The following NTRK2 variants were observed in gnomAD, a reference collection of about 807,000 sequenced individuals.
NTRK2 encodes neurotrophic receptor tyrosine kinase 2.
A neutral mutation model predicts 94.5 loss-of-function variants in NTRK2; 13 were observed. The ratio of observed to expected loss-of-function variants is 0.14; its 90% CI spans 0.09 to 0.22. The LOEUF is 0.22. Among genes scored for constraint, NTRK2 ranks in the 10% least tolerant of loss-of-function variants. NTRK2 has a pLI of 1.00. For missense variants in NTRK2, 639 were observed against 1,071.2 expected (o/e 0.60, Z 5.63); for synonymous variants, 372 against 407.4 (o/e 0.91, Z 1.05).
intron 2 of NTRK2, among the ~76,000 whole-genome samples, chr9:84,680,144 G>A (rs1306794031): frequency 6.6e-6 from 1 of 152,152 alleles, no homozygotes; most frequent in Non-Finnish European, 1.5e-5. Context: ...TCATGTGGGT[G>A]GGCTGCCATC....
At chr9:84,823,508 T>C (rs1448554931) in intron 12 of NTRK2, among the ~76,000 whole-genome samples, 1 of 152,228 alleles carries the variant, frequency 6.6e-6, no homozygotes, top group Non-Finnish European at 1.5e-5. Context: ...TGCAACCAAC[T>C]TTATTGAGTA....
At position 85,025,026 on chromosome 9, in the gene NTRK2, G is replaced by T. The variant is rs1832966403; in HGVS notation, c.*3589G>T. 1 of 233,076 alleles carries T rather than the reference G, an allele frequency of 4.3e-6. No homozygotes were observed. The allele number at this position is 233,076 out of a possible 1,614,324, so 14.4% of individuals were successfully genotyped here. A position where few individuals can be genotyped will look rare whatever the true frequency, so the allele number is the denominator to read the frequency against. ...TAGAGGTAATTATAAGTAGGATGCG[G>T]TATGAATAATTTGCTTAAAATATGC... On this transcript the variant is annotated 3_prime_UTR_variant, in exon 19 of 19. Coordinates refer to ENST00000277120, the MANE Select transcript of NTRK2 (RefSeq NM_006180.6).
Position 84,862,373 on chromosome 9 carries a change from A to G in NTRK2, c.1444+1286A>G, listed in dbSNP as rs76779055. On this transcript the variant is annotated intron_variant, in intron 13 of 18. Transcript: ENST00000277120. Reference sequence around the variant, plus strand: ...CCGTGTGTTTTTGGGGAAGGTGGTAATAAACTCTCCCATGACAGTCCTATA... The same window carrying G: ...CCGTGTGTTTTTGGGGAAGGTGGTAGTAAACTCTCCCATGACAGTCCTATA... Among the ~76,000 whole-genome samples, 468 of 152,280 alleles carry G rather than the reference A, an allele frequency of 3.1e-3. 2 individuals carry two copies. The highest frequency in any genetic ancestry group is 0.011 in the African/African-American group (446 of 41,556).
intron 12 of NTRK2, among the ~76,000 whole-genome samples, chr9:84,767,729 G>A (rs1034039090): frequency 2.6e-5 from 4 of 151,878 alleles, no homozygotes; most frequent in Non-Finnish European, 4.4e-5. Context: ...CCCATACTAC[G>A]TCTCTCTCTC....
intron 17 of NTRK2, among the ~76,000 whole-genome samples, chr9:84,998,189 C>T (rs1192054809): frequency 6.6e-6 from 1 of 152,218 alleles, no homozygotes; most frequent in African/African-American, 2.4e-5. Flanking sequence ...TTCCTGAGAA[C>T]CCAGTGTTTT....
intron 12 of NTRK2, among the ~76,000 whole-genome samples, chr9:84,844,713 C>T (rs1357542784): frequency 6.6e-6 from 1 of 150,480 alleles, no homozygotes; most frequent in East Asian, 2.0e-4. Context: ...CTATTTGTTT[C>T]TATTTATTCG....
chr9:84,688,896 G>T (rs959064507), intron 2 of NTRK2, among the ~76,000 whole-genome samples: 2 of 152,164 alleles, frequency 1.3e-5, no homozygotes, highest in Non-Finnish European at 2.9e-5. Flanking sequence ...GATTCCTGTT[G>T]TAACATTGGT....
chr9:84,728,862 T>A (rs1409087278), intron 9 of NTRK2, among the ~76,000 whole-genome samples: 1 of 152,250 alleles, frequency 6.6e-6, no homozygotes, highest in African/African-American at 2.4e-5. Flanking sequence ...CTTCAGATGC[T>A]GTCCTTCAGT....
chr9:84,985,515 C>T (rs1460299655), intron 17 of NTRK2, among the ~76,000 whole-genome samples: 13 of 152,200 alleles, frequency 8.5e-5, no homozygotes, highest in Non-Finnish European at 1.9e-4. Context: ...TCGCTGGTAG[C>T]CTGATCTTTC....
chr9:84,942,656 G>A (rs901182274), intron 15 of NTRK2, among the ~76,000 whole-genome samples: 6 of 151,808 alleles, frequency 4.0e-5, no homozygotes, highest in South Asian at 2.1e-4. Flanking sequence ...TTATTTTATC[G>A]ATATAGTTTA....
At chr9:84,717,702 C>A (rs572500077) in intron 6 of NTRK2, among the ~76,000 whole-genome samples, 1 of 152,150 alleles carries the variant, frequency 6.6e-6, no homozygotes, top group Non-Finnish European at 1.5e-5. Context: ...CTAGCACATA[C>A]TAAGTACCCA....
At chr9:84,827,365 G>A (rs1320574788) in intron 12 of NTRK2, among the ~76,000 whole-genome samples, 1 of 152,176 alleles carries the variant, frequency 6.6e-6, no homozygotes, top group Non-Finnish European at 1.5e-5. Context: ...TGTGCCAAGT[G>A]CTGGGGCCAC....
In NTRK2 at chr9:84,703,911, AG is replaced by A. The variant is rs201602835; in HGVS notation, c.359+1493del. Among the ~76,000 whole-genome samples the A allele has an allele frequency of 1.8e-4, 28 of 152,356 alleles. No homozygotes were observed. In the East Asian group the frequency reaches 5.4e-3, roughly 29 times the overall value. On this transcript the variant is annotated intron_variant, in intron 4 of 18. Coordinates refer to ENST00000277120, the MANE Select transcript of NTRK2 (RefSeq NM_006180.6). Reference sequence around the variant, plus strand: ...ATAAACAAGAGAGAAGTTGGATAGAAGAAAAAGGCAAAATGCTCTAATGCAG... The same window carrying A: ...ATAAACAAGAGAGAAGTTGGATAGAAAAAAAGGCAAAATGCTCTAATGCAG...
At chr9:84,854,033 C>T (rs1204334948) in intron 12 of NTRK2, among the ~76,000 whole-genome samples, 2 of 148,628 alleles carry the variant, frequency 1.3e-5, no homozygotes, top group Non-Finnish European at 3.0e-5. Flanking sequence ...GATCGCACCA[C>T]TGCACTCCAG....
At chr9:84,849,787 A>C (rs2074664207) in intron 12 of NTRK2, among the ~76,000 whole-genome samples, 1 of 152,200 alleles carries the variant, frequency 6.6e-6, no homozygotes, top group Non-Finnish European at 1.5e-5. Context: ...ACGGTTGTCT[A>C]TCTCTGAGCT....
At chr9:84,823,128 A>G (rs2072958578) in intron 12 of NTRK2, among the ~76,000 whole-genome samples, 1 of 152,276 alleles carries the variant, frequency 6.6e-6, no homozygotes, top group Non-Finnish European at 1.5e-5. Flanking sequence ...GGGCAAGTCA[A>G]CATTTTGAAA....
chr9:85,021,183 T>C, intron 18 of NTRK2, 69 bp from the exon 19 acceptor site: 1 of 1,413,210 alleles, frequency 7.1e-7, no homozygotes, highest in Non-Finnish European at 9.9e-7. Flanking sequence ...TGCTGTTTTT[T>C]TGCACTGACA....
At chr9:84,760,760 G>A (rs2065487399) in intron 12 of NTRK2, among the ~76,000 whole-genome samples, 1 of 152,218 alleles carries the variant, frequency 6.6e-6, no homozygotes. Context: ...GAAAGGGCAG[G>A]AATGGGAGGG....
At chr9:84,919,970 A>G (rs975874842) in intron 14 of NTRK2, among the ~76,000 whole-genome samples, 28 of 152,316 alleles carry the variant, frequency 1.8e-4, no homozygotes, top group African/African-American at 6.5e-4. Context: ...GATGGCCACA[A>G]TTGAACTGAA....
Sources: gnomAD v4.1 joint callset for allele counts (sites outside exome capture counted in the v4.1 genomes callset) on GRCh38, gnomAD v4.1.1 for gene constraint, MANE v1.5 for transcripts, NCBI Gene and HGNC (gene_info 2026-07-23, HGNC 2026-07-21) for gene names.